Variants in ELL2 observed in about 807,000 individuals in gnomAD.
ELL2 encodes elongation factor for RNA polymerase II 2, also known as RNA polymerase II elongation factor ELL2.
Under a neutral mutation model 72.8 loss-of-function variants are expected in ELL2, and 21 were observed. The observed-to-expected ratio is 0.29, with a 90% CI of 0.20 to 0.42. The LOEUF (loss-of-function observed/expected upper bound fraction) is 0.42, where lower values mean the gene tolerates loss of function less well. ELL2 is among the 10% of genes least tolerant of loss of function. The probability of loss-of-function intolerance (pLI) is 1.00; values close to 1 mark genes in which losing one functional copy is unlikely to be tolerated. For synonymous variants in ELL2, 266 were observed against 283.2 expected, an observed-to-expected ratio of 0.94 and a Z score of 0.61; for missense variants, 568 against 772.8, an observed-to-expected ratio of 0.73 and a Z score of 3.14.
intron 3 of ELL2, among the ~76,000 whole-genome samples, chr5:95,914,613 G>C (rs186442959): frequency 6.6e-6 from 1 of 152,184 alleles, no homozygotes; most frequent in East Asian, 1.9e-4. Flanking sequence ...CAACACTTTG[G>C]GAGGCCAAGG....
chr5:95,895,629 T>C lies in ELL2; in HGVS notation c.1588A>G (p.Ile530Val). The change falls in exon 9 of 12, where the codon ATA becomes GTA. Residue 530 changes from isoleucine (I) to valine (V), a missense_variant and splice_region_variant. Transcript: ENST00000237853. ...CCATTGGCAGACATATGAACTTACA[T>C]CAAATAATCTGGGAGTTCAATTGCT... The part of the protein sequence containing the change: ...PSAIELPDYL[I>V]KYIAIVSYEQ... 3 of 1,613,502 alleles carry C rather than the reference T, an allele frequency of 1.9e-6. No individual in the cohort carries two copies. Among genetic ancestry groups the C allele is most frequent in the Non-Finnish European group, 2.5e-6 (3 of 1,179,560 alleles).
chr5:95,944,653 C>T (rs1049888762), intron 1 of ELL2, among the ~76,000 whole-genome samples: 10 of 152,374 alleles, frequency 6.6e-5, no homozygotes, highest in African/African-American at 1.9e-4. Flanking sequence ...GGTAGCCCCT[C>T]TTCATGTGGA....
At chr5:95,895,180 T>C (rs1305474856) in intron 9 of ELL2, among the ~76,000 whole-genome samples, 1 of 152,240 alleles carries the variant, frequency 6.6e-6, no homozygotes, top group Admixed American at 6.5e-5. Context: ...AAAAATTAAT[T>C]TGAGGGCAGA....
At chr5:95,915,730 G>C (rs1298374786) in intron 3 of ELL2, among the ~76,000 whole-genome samples, 2 of 152,196 alleles carry the variant, frequency 1.3e-5, no homozygotes, top group Non-Finnish European at 2.9e-5. Flanking sequence ...GGGCAAGGGG[G>C]AAGAAGAATG....
chr5:95,901,245 C>A, intron 5 of ELL2, 165 bp from the exon 6 acceptor site: 1 of 638,620 alleles, frequency 1.6e-6, no homozygotes, highest in South Asian at 4.0e-5. Context: ...CCATTAACTT[C>A]ATTTTGGGAA....
At chr5:95,959,692 T>C (rs1166254692) in intron 1 of ELL2, among the ~76,000 whole-genome samples, 1 of 152,188 alleles carries the variant, frequency 6.6e-6, no homozygotes, top group East Asian at 1.9e-4. Flanking sequence ...TCTCGAGATT[T>C]CACTGTATGT....
intron 2 of ELL2, among the ~76,000 whole-genome samples, chr5:95,935,221 C>T (rs753896171): frequency 8.5e-5 from 13 of 152,056 alleles, no homozygotes; most frequent in South Asian, 2.1e-4. Context: ...TTTATAAAAA[C>T]GGCATCATAC....
At chr5:95,907,296 A>ATTTTTTTTTTTTTTTTTTT (rs1211663802) in intron 4 of ELL2, among the ~76,000 whole-genome samples, 3 of 116,486 alleles carry the variant, frequency 2.6e-5, no homozygotes, top group African/African-American at 1.2e-4. Flanking sequence ...ATATATATAT[A>ATTTTTTTTTTTTTTTTTTT]TTTTTTTTTT....
intron 8 of ELL2, among the ~76,000 whole-genome samples, chr5:95,895,974 T>C (rs1359604611): frequency 6.6e-6 from 1 of 152,230 alleles, no homozygotes; most frequent in Non-Finnish European, 1.5e-5. Flanking sequence ...CTTCTATTCT[T>C]TCAACAACAG....
Position 95,888,281 on chromosome 5 carries a change from T to G in ELL2, c.*590A>C, listed in dbSNP as rs980826874. On this transcript the variant is annotated 3_prime_UTR_variant, in exon 12 of 12. Coordinates refer to ENST00000237853, the MANE Select transcript of ELL2 (RefSeq NM_012081.6). ...TTAACTTGCAGGGCGGATTTAATGT[T>G]CTAGATCAAGTCAGCCTGTATATAC... 1 of 152,648 alleles carries G rather than the reference T, an allele frequency of 6.6e-6. No homozygotes were observed. The highest frequency in any genetic ancestry group is 2.4e-5 in the African/African-American group (1 of 41,438). 9.5% of individuals were successfully genotyped at this position (152,648 alleles called of 1,614,324 possible).
intron 3 of ELL2, 95 bp from the exon 4 acceptor site, chr5:95,914,029 C>A (rs561176486): frequency 8.5e-7 from 1 of 1,176,906 alleles, no homozygotes; most frequent in Non-Finnish European, 1.1e-6. Flanking sequence ...AGCAGCCCAA[C>A]TAAGTTTGCA....
At chr5:95,937,529 G>A (rs1055627090) in intron 2 of ELL2, among the ~76,000 whole-genome samples, 3 of 150,300 alleles carry the variant, frequency 2.0e-5, no homozygotes, top group Non-Finnish European at 4.4e-5. Context: ...GTGTGTGTAC[G>A]TGTTGTGTGT....
At chr5:95,948,226 T>TA (rs1751239550) in intron 1 of ELL2, among the ~76,000 whole-genome samples, 1 of 151,942 alleles carries the variant, frequency 6.6e-6, no homozygotes, top group African/African-American at 2.4e-5. Context: ...GGTCAGGAGA[T>TA]AGAGACCATC....
intron 2 of ELL2, 78 bp from the exon 3 acceptor site, chr5:95,919,623 T>G: frequency 6.8e-7 from 1 of 1,462,184 alleles, no homozygotes; most frequent in South Asian, 1.5e-5. Context: ...ACTTACTGGT[T>G]TTTCTAGTGA....
At chr5:95,918,118 G>C (rs530150726) in intron 3 of ELL2, among the ~76,000 whole-genome samples, 31 of 152,122 alleles carry the variant, frequency 2.0e-4, no homozygotes, top group Non-Finnish European at 4.1e-4. Flanking sequence ...CCTAATACTT[G>C]GTGATTCTAT....
In ELL2 at chr5:95,900,879, A is replaced by C. The variant is rs539252063; in HGVS notation, c.866+77T>G. On this transcript the variant is annotated intron_variant, in intron 6 of 11. Transcript: ENST00000237853. ...CCCTTCCCACCTTAACACTAAAATA[A>C]CAATGACTAAAATAATGACTTATTT... The C allele has an allele frequency of 2.8e-4, 444 of 1,561,520 alleles. 3 individuals carry two copies. In the South Asian group the frequency reaches 5.0e-3, roughly 18 times the overall value.
intron 2 of ELL2, among the ~76,000 whole-genome samples, chr5:95,924,610 T>C (rs1243905239): frequency 6.6e-6 from 1 of 152,142 alleles, no homozygotes; most frequent in East Asian, 1.9e-4. Context: ...TTGTTCAAGA[T>C]GAAGAATATA....
At chr5:95,927,634 C>CAT (rs1750403021) in intron 2 of ELL2, among the ~76,000 whole-genome samples, 1 of 44,614 alleles carries the variant, frequency 2.2e-5, no homozygotes, top group Non-Finnish European at 3.8e-5. Flanking sequence ...CATACACACA[C>CAT]ACGTGTGTAT....
At chr5:95,942,298 T>C (rs1750997306) in intron 2 of ELL2, among the ~76,000 whole-genome samples, 1 of 152,202 alleles carries the variant, frequency 6.6e-6, no homozygotes, top group African/African-American at 2.4e-5. Flanking sequence ...ATAGCTAATA[T>C]ATAGAGGCAA....
Sources: allele counts gnomAD v4.1 joint callset (sites outside exome capture counted in the v4.1 genomes callset), GRCh38; gene constraint gnomAD v4.1.1; transcripts MANE v1.5; gene names NCBI Gene and HGNC (gene_info 2026-07-23, HGNC 2026-07-21).